The following PTPRN2 variants were observed in gnomAD, a reference collection of about 807,000 sequenced individuals.
PTPRN2 encodes the protein receptor-type tyrosine-protein phosphatase N2.
A neutral mutation model predicts 118.8 loss-of-function variants in PTPRN2; 74 were observed. The observed-to-expected ratio is 0.62, with a 90% confidence interval of 0.52 to 0.76. The LOEUF is 0.76. Ranked by LOEUF, PTPRN2 falls within the 30% of genes least tolerant of loss-of-function variation. The pLI is 0.00. For synonymous variants in PTPRN2, 641 were observed against 608.0 expected, an observed-to-expected ratio of 1.05 and a Z score of -0.80; for missense variants, 1,481 against 1,394.4, an observed-to-expected ratio of 1.06 and a Z score of -0.99.
chr7:158,170,759 AC>A (rs1823469478), intron 5 of PTPRN2, among the ~76,000 whole-genome samples: 6 of 152,110 alleles, frequency 3.9e-5, no homozygotes, highest in Non-Finnish European at 8.8e-5. Flanking sequence ...TGGCTCTTTC[AC>A]GGTTTGAGGT....
chr7:158,192,875 G>A (rs1297664492), intron 4 of PTPRN2, among the ~76,000 whole-genome samples: 2 of 152,214 alleles, frequency 1.3e-5, no homozygotes, highest in East Asian at 1.9e-4. Context: ...GGTGGGCATG[G>A]GGGGCCCAAG....
At position 157,970,645 on chromosome 7, in the gene PTPRN2, C is replaced by CCG. The variant is rs969224199; in HGVS notation, c.1724-71909_1724-71908insCG. Among the ~76,000 whole-genome samples, 19 of 150,864 alleles carry CCG rather than the reference C, an allele frequency of 1.3e-4. 1 individual carries two copies. Among genetic ancestry groups the CCG allele is most frequent in the Middle Eastern group, 3.4e-3 (1 of 290 alleles). On this transcript the variant is annotated intron_variant, in intron 11 of 22. Transcript: ENST00000389418. The stretch of plus-strand genomic sequence containing the variant: ...GTCACGCTCAGAGCGGACCCCCCCC[C>CCG]CCACAGGTTGCCCACCCCAGGGCAA...
chr7:158,560,028 G>A (rs559503430), intron 1 of PTPRN2, among the ~76,000 whole-genome samples: 35 of 152,250 alleles, frequency 2.3e-4, no homozygotes, highest in Non-Finnish European at 4.3e-4. Context: ...CCCCTGCTCC[G>A]TTCCACTTTC....
intron 12 of PTPRN2, among the ~76,000 whole-genome samples, chr7:157,732,112 G>C (rs1799977340): frequency 1.2e-5 from 1 of 81,310 alleles, no homozygotes; most frequent in Non-Finnish European, 2.5e-5. Flanking sequence ...CACGCGCCCA[G>C]CACAGTTACT....
intron 2 of PTPRN2, among the ~76,000 whole-genome samples, chr7:158,418,277 T>C (rs1194080286): frequency 2.0e-5 from 3 of 150,140 alleles, no homozygotes; most frequent in Non-Finnish European, 4.4e-5. Context: ...TACATCGAGA[T>C]GCTGTAGCTC....
chr7:158,301,982 A>T (rs1373576557), intron 3 of PTPRN2, among the ~76,000 whole-genome samples: 1 of 152,178 alleles, frequency 6.6e-6, no homozygotes, highest in East Asian at 1.9e-4. Context: ...ATGAGATGGT[A>T]TGACCTCCTC....
chr7:157,586,143 A>G (rs1193149134), intron 17 of PTPRN2, among the ~76,000 whole-genome samples: 1 of 152,274 alleles, frequency 6.6e-6, no homozygotes, highest in Non-Finnish European at 1.5e-5. Flanking sequence ...GTACTTATCA[A>G]TCATGGAAAT....
intron 11 of PTPRN2, among the ~76,000 whole-genome samples, chr7:157,991,142 C>T (rs1483595240): frequency 2.0e-5 from 3 of 152,212 alleles, no homozygotes; most frequent in Non-Finnish European, 4.4e-5. Flanking sequence ...GACCGAGCTT[C>T]CCTGAGAGGC....
Position 158,511,376 on chromosome 7 carries a change from G to A in PTPRN2, c.113-21591C>T, listed in dbSNP as rs190683706. ...GATCGGACAGAGACTATGGAAATGC[G>A]AACGTGCACATCACATCAACCTGTG... On this transcript the variant is annotated intron_variant, in intron 1 of 22. Transcript: ENST00000389418. 4.3e-3 allele frequency among the ~76,000 whole-genome samples: 657 copies of A among 152,318 alleles called. 5 individuals are homozygous for A. The highest frequency in any genetic ancestry group is 7.8e-3 in the Non-Finnish European group (534 of 68,028).
intron 5 of PTPRN2, among the ~76,000 whole-genome samples, chr7:158,181,318 T>C (rs1182409718): frequency 6.6e-6 from 1 of 152,220 alleles, no homozygotes; most frequent in Non-Finnish European, 1.5e-5. Context: ...ATCTTTTTGA[T>C]GTGCTGTTGG....
intron 4 of PTPRN2, among the ~76,000 whole-genome samples, chr7:158,200,492 A>C (rs1826555441): frequency 6.6e-6 from 1 of 152,242 alleles, no homozygotes; most frequent in South Asian, 2.1e-4. Flanking sequence ...AGAAAGTCAC[A>C]ATATAAATAA....
At position 158,574,280 on chromosome 7, in the gene PTPRN2, T is replaced by C. The variant is rs745739396; in HGVS notation, c.112+13278A>G. Among the ~76,000 whole-genome samples, 1 of 152,260 alleles carries C rather than the reference T, an allele frequency of 6.6e-6. No individual in the cohort carries two copies. Among genetic ancestry groups the C allele is most frequent in the African/African-American group, 2.4e-5 (1 of 41,468 alleles). ...TTATTAATCACATTAATAAAAATTT[T>C]AGTGAATACAAAGAAGTTTTTGTAT... On this transcript the variant is annotated intron_variant, in intron 1 of 22. Coordinates refer to ENST00000389418, the MANE Select transcript of PTPRN2 (RefSeq NM_002847.5). The surrounding 1 kb of genome is among the most constrained non-coding windows in gnomAD (Gnocchi z 4.6).
rs112250347 is a variant in PTPRN2, at chr7:158,523,621, T to C, written c.113-33836A>G. Among the ~76,000 whole-genome samples the C allele has an allele frequency of 2.3e-3, 75 of 32,412 alleles. No individual in the cohort carries two copies. The East Asian group carries it at 0.033, about 14-fold the overall frequency. 21.3% of individuals were successfully genotyped at this position (32,412 alleles called of 152,430 possible). A position where few individuals can be genotyped will look rare whatever the true frequency, so the allele number is the denominator to read the frequency against. On this transcript the variant is annotated intron_variant, in intron 1 of 22. Transcript: ENST00000389418. ...CCCTGGAGCAGAGTCTGCCCTGGAG[T>C]GGAGTCATCTGCCCTGGAGCGGAGT... is the stretch of plus-strand genomic sequence containing the variant.
intron 2 of PTPRN2, among the ~76,000 whole-genome samples, chr7:158,441,909 T>C (rs962605850): frequency 4.8e-5 from 3 of 61,968 alleles, no homozygotes; most frequent in Non-Finnish European, 3.4e-5. Flanking sequence ...ATGGCAGTGG[T>C]GGTGATGGTG....
intron 12 of PTPRN2, among the ~76,000 whole-genome samples, chr7:157,854,099 G>A (rs763326809): frequency 4.3e-4 from 66 of 152,196 alleles, no homozygotes; most frequent in Non-Finnish European, 5.6e-4. Flanking sequence ...GGTTTGCGCC[G>A]CCCCGTCTGC....
intron 5 of PTPRN2, among the ~76,000 whole-genome samples, chr7:158,188,597 TGGGGA>T (rs1825465640): frequency 3.2e-5 from 1 of 31,448 alleles, no homozygotes; most frequent in South Asian, 9.9e-4. Context: ...CGCCCCCTGA[TGGGGA>T]AGCCCGCCAC....
intron 6 of PTPRN2, among the ~76,000 whole-genome samples, chr7:158,146,865 GCAAA>G (rs984602469): frequency 2.0e-5 from 3 of 151,964 alleles, no homozygotes; most frequent in Non-Finnish European, 2.9e-5. Flanking sequence ...GATAGAACAA[GCAAA>G]CAGTTTACAG....
intron 11 of PTPRN2, among the ~76,000 whole-genome samples, chr7:158,053,487 C>A (rs1809489101): frequency 6.6e-6 from 1 of 152,180 alleles, no homozygotes; most frequent in Non-Finnish European, 1.5e-5. Context: ...AATTCAGAAC[C>A]AGCTTTAGCT....
intron 11 of PTPRN2, among the ~76,000 whole-genome samples, chr7:157,945,290 T>C (rs1279080915): frequency 6.6e-6 from 1 of 152,046 alleles, no homozygotes; most frequent in Non-Finnish European, 1.5e-5. Flanking sequence ...CACTGGGTTC[T>C]CCTTCCAGAC....
Sources: allele counts gnomAD v4.1 joint callset (sites outside exome capture counted in the v4.1 genomes callset), GRCh38; gene constraint gnomAD v4.1.1; non-coding constraint Gnocchi (gnomAD v3.1); transcripts MANE v1.5; gene names NCBI Gene and HGNC (gene_info 2026-07-23, HGNC 2026-07-21).